Variants in DLG2 observed in about 807,000 individuals in gnomAD.
DLG2 encodes discs large MAGUK scaffold protein 2.
In DLG2, 45 loss-of-function variants were observed where a neutral mutation model predicts 132.5. The observed-to-expected ratio is 0.34, with a 90% confidence interval of 0.27 to 0.44. The LOEUF (loss-of-function observed/expected upper bound fraction) is 0.44. Ranked by LOEUF, DLG2 falls within the 20% of genes least tolerant of loss-of-function variation. The pLI, the probability that DLG2 is intolerant of heterozygous loss-of-function variation, is 1.00. For synonymous variants in DLG2, 424 were observed against 419.6 expected (o/e 1.01, Z -0.13); for missense variants, 1,045 against 1,196.9 (o/e 0.87, Z 1.87).
At chr11:84,813,606 A>T (rs1216924347) in intron 6 of DLG2, among the ~76,000 whole-genome samples, 1 of 152,132 alleles carries the variant, frequency 6.6e-6, no homozygotes, top group Non-Finnish European at 1.5e-5. Context: ...ATTGATGGGG[A>T]ATCGCTGACA....
At chr11:85,497,739 A>T (rs1597948878) in intron 3 of DLG2, among the ~76,000 whole-genome samples, 1 of 152,352 alleles carries the variant, frequency 6.6e-6, no homozygotes, top group African/African-American at 2.4e-5. Flanking sequence ...TCTCGGCAGA[A>T]ACCCTACAAG....
intron 7 of DLG2, among the ~76,000 whole-genome samples, chr11:84,385,736 G>C (rs1420205566): frequency 6.6e-6 from 1 of 152,064 alleles, no homozygotes; most frequent in Admixed American, 6.5e-5. Context: ...AAACTGAAAA[G>C]ATTGTATATA....
chr11:83,649,280 G>C (rs1294807569), intron 18 of DLG2, among the ~76,000 whole-genome samples: 1 of 152,132 alleles, frequency 6.6e-6, no homozygotes, highest in Non-Finnish European at 1.5e-5. Flanking sequence ...ATCAAGCCCA[G>C]TGACTGGTAA....
intron 6 of DLG2, among the ~76,000 whole-genome samples, chr11:84,883,689 T>A (rs1233513617): frequency 6.6e-6 from 1 of 152,094 alleles, no homozygotes; most frequent in Non-Finnish European, 1.5e-5. Context: ...CTTTTTAACT[T>A]CCAAGAAGTT....
intron 5 of DLG2, among the ~76,000 whole-genome samples, chr11:85,147,078 T>C (rs992093423): frequency 2.0e-5 from 3 of 152,216 alleles, no homozygotes; most frequent in African/African-American, 7.2e-5. Context: ...TCTGAATACA[T>C]GCCATCGGTT....
intron 7 of DLG2, among the ~76,000 whole-genome samples, chr11:84,478,588 T>A (rs1242512748): frequency 1.3e-5 from 2 of 152,050 alleles, no homozygotes; most frequent in Non-Finnish European, 2.9e-5. Context: ...TTTGGATAAA[T>A]CCCTGAGAGT....
intron 5 of DLG2, among the ~76,000 whole-genome samples, chr11:85,140,863 T>G (rs2076423655): frequency 6.6e-6 from 1 of 151,974 alleles, no homozygotes; most frequent in South Asian, 2.1e-4. Flanking sequence ...TTTCTTTCAC[T>G]TAACATAATG....
chr11:85,114,375 C>G (rs1195528911), intron 5 of DLG2, among the ~76,000 whole-genome samples: 1 of 151,868 alleles, frequency 6.6e-6, no homozygotes, highest in Non-Finnish European at 1.5e-5. Flanking sequence ...ATTAGAATTC[C>G]CTCAAGGGAG....
intron 2 of DLG2, among the ~76,000 whole-genome samples, chr11:85,602,362 C>G (rs1386798965): frequency 6.6e-6 from 1 of 152,158 alleles, no homozygotes; most frequent in East Asian, 1.9e-4. Flanking sequence ...CATGCTGTCA[C>G]CTTTGCCCTC....
rs201195855 is a variant in DLG2, at chr11:84,502,176, T to C, written c.519+32394A>G. ...TTCCTTCCTTTCTCTCTCTCTCTCT[T>C]TCTCTCTCTTTCTCTCTCTCTCTCT... On this transcript the variant is annotated intron_variant, in intron 7 of 27. Transcript: ENST00000376104. Among the ~76,000 whole-genome samples the C allele has an allele frequency of 1.9e-3, 48 of 25,536 alleles. 1 individual carries two copies. The highest frequency in any genetic ancestry group is 0.015 in the Middle Eastern group (1 of 68). The allele number at this position is 25,536 out of a possible 152,430, so 16.8% of individuals were successfully genotyped here.
intron 6 of DLG2, among the ~76,000 whole-genome samples, chr11:84,541,494 CTG>C (rs1311905140): frequency 6.6e-6 from 1 of 152,044 alleles, no homozygotes; most frequent in African/African-American, 2.4e-5. Flanking sequence ...GGTTGGAAAT[CTG>C]TATCTCTTTT....
chr11:84,118,883 G>T (rs186138248), intron 9 of DLG2, among the ~76,000 whole-genome samples: 98 of 152,228 alleles, frequency 6.4e-4, no homozygotes, highest in Non-Finnish European at 1.1e-3. Context: ...TGTACTTTAG[G>T]CAGGTTAATA....
rs111802764 is a variant in DLG2 at position 84,156,789 on chromosome 11, G to A, written c.624+6672C>T. The stretch of plus-strand genomic sequence containing the variant: ...GTTTAGGATATAAGGTATGTAACAT[G>A]GGAATTTTAAAAACAGTATTAGTGA... On this transcript the variant is annotated intron_variant, in intron 9 of 27. Coordinates refer to ENST00000376104, the MANE Select transcript of DLG2 (RefSeq NM_001142699.3). 1.6e-3 allele frequency among the ~76,000 whole-genome samples: 249 copies of A among 152,274 alleles called. 1 individual carries two copies. Among genetic ancestry groups the A allele is most frequent in the African/African-American group, 5.8e-3 (242 of 41,558 alleles).
intron 6 of DLG2, among the ~76,000 whole-genome samples, chr11:84,698,373 T>G (rs1461756588): frequency 1.3e-5 from 2 of 151,496 alleles, no homozygotes; most frequent in African/African-American, 4.8e-5. Context: ...CAGCACAATA[T>G]AAAATATATT....
At chr11:84,501,635 G>C (rs1034471638) in intron 7 of DLG2, among the ~76,000 whole-genome samples, 16 of 152,084 alleles carry the variant, frequency 1.1e-4, no homozygotes, top group Non-Finnish European at 2.4e-4. Context: ...ACATCGTTGA[G>C]ATTTTGTGAG....
chr11:83,512,168 A>G lies in DLG2; in HGVS notation c.2193+20540T>C, dbSNP rs78860969. ...AGAACTAGCAAAGCACAGTTCAGGC[A>G]GAGGAAAGGCCTGCCCAATGGGGAG... On this transcript the variant is annotated intron_variant, in intron 21 of 27. Transcript: ENST00000376104. Among the ~76,000 whole-genome samples the G allele has an allele frequency of 9.2e-3, 1,399 of 152,266 alleles. 24 individuals carry two copies. Among genetic ancestry groups the G allele is most frequent in the African/African-American group, 0.032 (1,332 of 41,542 alleles).
intron 6 of DLG2, among the ~76,000 whole-genome samples, chr11:84,991,529 A>C (rs1161452080): frequency 6.6e-6 from 1 of 151,284 alleles, no homozygotes; most frequent in Non-Finnish European, 1.5e-5. Flanking sequence ...AAAAAAAAGA[A>C]AGAAAGAAAG....
Position 85,414,128 on chromosome 11 carries a change from A to G in DLG2, c.41-128763T>C, listed in dbSNP as rs191972010. Among the ~76,000 whole-genome samples the G allele has an allele frequency of 7.2e-5, 11 of 152,008 alleles. No individual in the cohort carries two copies. The East Asian group carries it at 1.9e-3, about 27-fold the overall frequency. ...AGGCCTTTCACCTCCTTGGTTTGGTATATTCCTAAATATTTCACTTTTCTT... is the reference window on the plus strand; with the variant it reads ...AGGCCTTTCACCTCCTTGGTTTGGTGTATTCCTAAATATTTCACTTTTCTT... On this transcript the variant is annotated intron_variant, in intron 3 of 27. Transcript: ENST00000376104.
At chr11:85,025,061 G>A (rs1237028567) in intron 6 of DLG2, among the ~76,000 whole-genome samples, 1 of 152,270 alleles carries the variant, frequency 6.6e-6, no homozygotes, top group Admixed American at 6.5e-5. Context: ...GTCTCAGGAG[G>A]ATTAGGTGCA....
Sources: gnomAD v4.1 joint callset for allele counts (sites outside exome capture counted in the v4.1 genomes callset) on GRCh38, gnomAD v4.1.1 for gene constraint, MANE v1.5 for transcripts, NCBI Gene and HGNC (gene_info 2026-07-23, HGNC 2026-07-21) for gene names.